The following CPAP variants were observed in gnomAD, a reference collection of about 807,000 sequenced individuals.
CPAP encodes centrosome assembly and centriole elongation protein.
chr13:24,888,799 A>T, the CPAP span, among the ~76,000 whole-genome samples: 92 of 152,230 alleles, frequency 6.0e-4, no homozygotes, highest in Non-Finnish European at 9.6e-4. Flanking sequence ...AATCAACTGG[A>T]GGTTTTATGT....
At chr13:24,905,978 G>C in the CPAP span, 1 of 1,614,112 alleles carries the variant, frequency 6.2e-7, no homozygotes, top group South Asian at 1.1e-5. Context: ...ATTCCATTCA[G>C]TCTGATTTTC....
At chr13:24,904,687 G>A in the CPAP span, among the ~76,000 whole-genome samples, 1 of 152,128 alleles carries the variant, frequency 6.6e-6, no homozygotes, top group South Asian at 2.1e-4. Flanking sequence ...AAATATTTTT[G>A]CTTCTATGCT....
At chr13:24,892,688 T>C in the CPAP span, 1 of 1,614,146 alleles carries the variant, frequency 6.2e-7, no homozygotes, top group Non-Finnish European at 8.5e-7. Flanking sequence ...TCTCTATGGC[T>C]TCTGCTCTCT....
At chr13:24,933,347 G>A in the CPAP span, 2 of 438,720 alleles carry the variant, frequency 4.6e-6, no homozygotes, top group Non-Finnish European at 4.1e-6. Context: ...TCCCTGAACC[G>A]CAGGACAATT....
chr13:24,905,822 C>G, the CPAP span: 1 of 1,613,930 alleles, frequency 6.2e-7, no homozygotes, highest in African/African-American at 1.3e-5. Context: ...CTTAAAAGGC[C>G]CCTTATCATC....
At chr13:24,932,690 A>G in the CPAP span, among the ~76,000 whole-genome samples, 1 of 152,242 alleles carries the variant, frequency 6.6e-6, no homozygotes, top group African/African-American at 2.4e-5. Context: ...ATTTAGAAAT[A>G]AATGCTTCTA....
chr13:24,908,266 A>T, the CPAP span: 6 of 625,056 alleles, frequency 9.6e-6, no homozygotes, highest in Non-Finnish European at 1.4e-5. Context: ...CACTCAAGGA[A>T]TTCTTTAATA....
chr13:24,920,995 C>T, the CPAP span, among the ~76,000 whole-genome samples: 1 of 152,044 alleles, frequency 6.6e-6, no homozygotes, highest in Non-Finnish European at 1.5e-5. Context: ...GCATATTGGT[C>T]GTTATCCAGG....
the CPAP span, among the ~76,000 whole-genome samples, chr13:24,915,049 T>C: frequency 6.6e-6 from 1 of 151,750 alleles, no homozygotes; most frequent in African/African-American, 2.4e-5. Flanking sequence ...CACTCCAGCC[T>C]AGGCAACTGA....
chr13:24,933,109 A>C, the CPAP span: 3 of 1,582,488 alleles, frequency 1.9e-6, no homozygotes, highest in Non-Finnish European at 2.6e-6. Flanking sequence ...AAATGGCGGA[A>C]AGTTTTCCTT....
chr13:24,909,933 T>C, the CPAP span: 2 of 1,614,066 alleles, frequency 1.2e-6, no homozygotes, highest in Non-Finnish European at 1.7e-6. Context: ...GAAGTTGCTT[T>C]GCTCATGGGA....
chr13:24,926,631 C>T, the CPAP span, among the ~76,000 whole-genome samples: 1 of 152,052 alleles, frequency 6.6e-6, no homozygotes, highest in Non-Finnish European at 1.5e-5. Flanking sequence ...GTAAAGGTGC[C>T]ACAGAGGAGA....
chr13:24,912,123 C>T, the CPAP span: 12 of 1,528,024 alleles, frequency 7.9e-6, no homozygotes, highest in South Asian at 2.2e-5. Context: ...TCTTCATGGA[C>T]ACCTCGTTCC....
chr13:24,914,978 G>C, the CPAP span, among the ~76,000 whole-genome samples: 4 of 152,122 alleles, frequency 2.6e-5, no homozygotes. Flanking sequence ...AGGAGGCTGA[G>C]GCGGGAGAAT....
At chr13:24,916,806 A>T in the CPAP span, among the ~76,000 whole-genome samples, 1 of 152,252 alleles carries the variant, frequency 6.6e-6, no homozygotes, top group African/African-American at 2.4e-5. Context: ...TTAACAGGAG[A>T]TCAGCTAATC....
the CPAP span, chr13:24,885,775 TA>T: frequency 2.5e-6 from 2 of 802,940 alleles, no homozygotes; most frequent in Middle Eastern, 3.5e-4. Flanking sequence ...TGCTGTCCTT[TA>T]TCCATTAGTT....
the CPAP span, among the ~76,000 whole-genome samples, chr13:24,915,080 A>T: frequency 2.6e-5 from 4 of 151,712 alleles, no homozygotes; most frequent in African/African-American, 9.7e-5. Context: ...CTCTCAAAAA[A>T]TAATTAATTA....
the CPAP span, chr13:24,886,202 A>G: frequency 3.5e-3 from 2,450 of 708,926 alleles, 47 homozygotes; most frequent in African/African-American, 0.036. Context: ...TTTTCATCCT[A>G]TGTGCCAATG....
chr13:24,931,215 C>G, the CPAP span, among the ~76,000 whole-genome samples: 8,706 of 150,948 alleles, frequency 0.058, 450 homozygotes, highest in East Asian at 0.14. Flanking sequence ...TAAAGTATTT[C>G]TCTTATAATT....
Sources: allele counts gnomAD v4.1 joint callset (sites outside exome capture counted in the v4.1 genomes callset), GRCh38; gene constraint gnomAD v4.1.1; transcripts MANE v1.5; gene names NCBI Gene and HGNC (gene_info 2026-07-23, HGNC 2026-07-21).